STOX2: variants seen among roughly 807,000 people sequenced by gnomAD.
The protein encoded by STOX2 is storkhead box 2.
A neutral mutation model predicts 60.9 loss-of-function variants in STOX2; 28 were observed. That is an observed-to-expected ratio of 0.46 (90% CI 0.34 to 0.63). The LOEUF (loss-of-function observed/expected upper bound fraction) is 0.63. Ranked by LOEUF, STOX2 falls within the 30% of genes least tolerant of loss-of-function variation. STOX2 has a pLI of 0.01. For synonymous variants in STOX2, 472 were observed against 463.9 expected (o/e 1.02, Z -0.22); for missense variants, 1,024 against 1,187.7 (o/e 0.86, Z 2.03).
chr4:184,009,692 A>G lies in STOX2; in HGVS notation c.854A>G (p.Asn285Ser), dbSNP rs771036464. ...FKKDKTKQLA[N>S]FSAQFPPEEW... is the part of the protein sequence containing the mutation. ...AAAGACAAGACCAAACAGCTGGCCA[A>G]TTTTTCTGCCCAGTTTCCTCCTGAA... The change falls in exon 3 of 4, where the codon AAT becomes AGT. Residue 285 changes from asparagine (N) to serine (S), a missense_variant. Physicochemically the swap from Asn to Ser is conservative, Grantham distance 46. This residue lies in a region of STOX2 where 922 missense variants were observed against 1,058.3 expected (regional missense o/e 0.87). Coordinates refer to ENST00000308497, the MANE Select transcript of STOX2 (RefSeq NM_020225.3). This position sits in a 1 kb window ranked among gnomAD's most constrained non-coding sequence, Gnocchi z 4.0. The G allele has an allele frequency of 5.0e-6, 8 of 1,613,850 alleles. No individual in the cohort carries two copies. The highest frequency in any genetic ancestry group is 1.6e-4 in the Middle Eastern group (1 of 6,062).
intron 1 of STOX2, among the ~76,000 whole-genome samples, chr4:183,879,103 T>G (rs1362255876): frequency 2.0e-5 from 3 of 152,312 alleles, no homozygotes. Flanking sequence ...CCAAATTATC[T>G]GTGTTTGTTA....
chr4:183,989,467 G>C (rs1192300177), intron 1 of STOX2, among the ~76,000 whole-genome samples: 2 of 152,162 alleles, frequency 1.3e-5, no homozygotes, highest in African/African-American at 4.8e-5. Context: ...CTCCCAAAGT[G>C]CTGGGATTAC....
intron 1 of STOX2, among the ~76,000 whole-genome samples, chr4:183,967,199 C>T (rs1475501309): frequency 2.6e-5 from 4 of 152,008 alleles, no homozygotes; most frequent in African/African-American, 9.7e-5. Context: ...TCCATCTCTA[C>T]TAAAAATACA....
At chr4:183,814,677 C>T (rs1404046222) in intron 1 of STOX2, among the ~76,000 whole-genome samples, 1 of 152,254 alleles carries the variant, frequency 6.6e-6, no homozygotes, top group African/African-American at 2.4e-5. Flanking sequence ...ACCTGGCAGA[C>T]AACCAGAGCC....
chr4:183,931,402 C>T (rs140012238), intron 1 of STOX2, among the ~76,000 whole-genome samples: 1,539 of 152,162 alleles, frequency 0.01, 16 homozygotes, highest in Middle Eastern at 0.017. Context: ...CCAGCCTGGG[C>T]GACAGAGTAA....
chr4:183,873,689 A>G (rs560868860), intron 1 of STOX2, among the ~76,000 whole-genome samples: 1 of 152,368 alleles, frequency 6.6e-6, no homozygotes, highest in African/African-American at 2.4e-5. Flanking sequence ...GACAATGCAC[A>G]TGAACATGCT....
At chr4:183,853,131 A>G (rs781593625) in intron 1 of STOX2, among the ~76,000 whole-genome samples, 8 of 152,202 alleles carry the variant, frequency 5.3e-5, no homozygotes, top group East Asian at 1.9e-4. Flanking sequence ...AATGAAATCA[A>G]AGTAAGGCAT....
intron 1 of STOX2, among the ~76,000 whole-genome samples, chr4:183,892,342 G>A (rs1208509754): frequency 6.6e-6 from 1 of 152,114 alleles, no homozygotes; most frequent in Non-Finnish European, 1.5e-5. Context: ...GCAGTGGCGC[G>A]ATCTCGGCTC....
chr4:184,009,117 G>A lies in STOX2; in HGVS notation c.320-41G>A. On this transcript the variant is annotated intron_variant, in intron 2 of 3. Transcript: ENST00000308497. The surrounding 1 kb of genome is among the most constrained non-coding windows in gnomAD (Gnocchi z 4.0). ...TGGAAATCAGGAATCCACATGTTCT[G>A]TCTTCATTCTCACAAGTGGTTTTTT... 1 of 1,397,446 alleles carries A rather than the reference G, an allele frequency of 7.2e-7. No homozygotes were observed. The highest frequency in any genetic ancestry group is 9.6e-7 in the Non-Finnish European group (1 of 1,045,672). The allele number at this position is 1,397,446 out of a possible 1,614,324, so 86.6% of individuals were successfully genotyped here. A position where few individuals can be genotyped will look rare whatever the true frequency, so the allele number is the denominator to read the frequency against.
At chr4:183,826,673 C>T (rs534693845) in intron 1 of STOX2, among the ~76,000 whole-genome samples, 55 of 152,352 alleles carry the variant, frequency 3.6e-4, no homozygotes, top group East Asian at 1.5e-3. Flanking sequence ...TCAGTTTTCC[C>T]GACCGTGGAA....
chr4:183,991,093 A>G (rs1733086461), intron 1 of STOX2, among the ~76,000 whole-genome samples: 1 of 152,096 alleles, frequency 6.6e-6, no homozygotes, highest in Non-Finnish European at 1.5e-5. Flanking sequence ...CTAAGTTTTG[A>G]AATAGGTCAA....
chr4:183,930,411 G>GGCAC (rs537030151), intron 1 of STOX2, among the ~76,000 whole-genome samples: 3 of 151,764 alleles, frequency 2.0e-5, no homozygotes, highest in Non-Finnish European at 4.4e-5. Context: ...GGAGTGCAGT[G>GGCAC]GCACGATCAT....
rs1004112609 is a variant in STOX2, at chr4:183,906,580, C to A, written c.-211C>A. 1 of 542,290 alleles carries A rather than the reference C, an allele frequency of 1.8e-6. No individual in the cohort carries two copies. Among genetic ancestry groups the A allele is most frequent in the Non-Finnish European group, 3.2e-6 (1 of 308,270 alleles). The allele number at this position is 542,290 out of a possible 1,614,324, so 33.6% of individuals were successfully genotyped here. ...AAATGAAGTGTAATGCATTGTGGGA[C>A]GTGTGTAAAATCGGAGCCTTCGCCG... On this transcript the variant is annotated 5_prime_UTR_variant, in exon 1 of 4. Coordinates refer to ENST00000308497, the MANE Select transcript of STOX2 (RefSeq NM_020225.3).
chr4:184,019,754 C>T lies in STOX2; in HGVS notation c.*2470C>T, dbSNP rs1734504302. 1 of 152,168 alleles carries T rather than the reference C, an allele frequency of 6.6e-6. No individual in the cohort carries two copies. The highest frequency in any genetic ancestry group is 2.4e-5 in the African/African-American group (1 of 41,432). 9.4% of individuals were successfully genotyped at this position (152,168 alleles called of 1,614,324 possible). A position where few individuals can be genotyped will look rare whatever the true frequency, so the allele number is the denominator to read the frequency against. On this transcript the variant is annotated 3_prime_UTR_variant, in exon 4 of 4. Transcript: ENST00000308497. The stretch of plus-strand genomic sequence containing the variant: ...GGTGATACCATGTAAGCAGATGTTG[C>T]ATATAAAAATATTCCTGCCTGAATC...
Position 184,009,043 on chromosome 4 carries a change from A to G in STOX2, c.320-115A>G, listed in dbSNP as rs759999735. 1.6e-5 allele frequency: 13 copies of G among 802,442 alleles called. No individual in the cohort carries two copies. Among genetic ancestry groups the G allele is most frequent in the Middle Eastern group, 3.5e-4 (1 of 2,826 alleles). 49.7% of individuals were successfully genotyped at this position (802,442 alleles called of 1,614,324 possible). ...ATGAACACCTTTGTCTGAATTGTGC[A>G]TCCTAGCTCTGTGATGGTACTTCGC... On this transcript the variant is annotated intron_variant, in intron 2 of 3. Transcript: ENST00000308497. This position sits in a 1 kb window ranked among gnomAD's most constrained non-coding sequence, Gnocchi z 4.0.
chr4:183,818,107 T>C (rs1053320626), intron 1 of STOX2, among the ~76,000 whole-genome samples: 2 of 152,044 alleles, frequency 1.3e-5, no homozygotes, highest in East Asian at 3.9e-4. Context: ...AGTATAATTT[T>C]TTTTTTTAAT....
intron 1 of STOX2, among the ~76,000 whole-genome samples, chr4:183,958,852 A>G (rs1743333606): frequency 6.6e-6 from 1 of 152,090 alleles, no homozygotes; most frequent in South Asian, 2.1e-4. Context: ...TAACTCTCTC[A>G]GTGGGTGGGA....
rs142019297 is a variant in STOX2, at chr4:183,940,042, A to G, written c.166+33086A>G. 3.6e-3 allele frequency among the ~76,000 whole-genome samples: 551 copies of G among 152,290 alleles called. 3 individuals carry two copies. Among genetic ancestry groups the G allele is most frequent in the African/African-American group, 0.013 (527 of 41,562 alleles). On this transcript the variant is annotated intron_variant, in intron 1 of 3. Transcript: ENST00000308497. Reference sequence around the variant, plus strand: ...CCTCAGCCTCCTGAGTACTGGAATTACAGGCGTCCGCCACCACACCCAGCT... The same window carrying G: ...CCTCAGCCTCCTGAGTACTGGAATTGCAGGCGTCCGCCACCACACCCAGCT...
chr4:183,831,066 G>C (rs562684124), intron 1 of STOX2, among the ~76,000 whole-genome samples: 1 of 152,022 alleles, frequency 6.6e-6, no homozygotes, highest in Non-Finnish European at 1.5e-5. Flanking sequence ...ACCGAACTCC[G>C]GGCCTGAGCA....
Sources: allele counts gnomAD v4.1 joint callset (sites outside exome capture counted in the v4.1 genomes callset), GRCh38; gene constraint gnomAD v4.1.1; regional missense constraint gnomAD v4.1.1; non-coding constraint Gnocchi (gnomAD v3.1); transcripts MANE v1.5; gene names NCBI Gene and HGNC (gene_info 2026-07-23, HGNC 2026-07-21).